ABCC2: variants seen among roughly 807,000 people sequenced by gnomAD.
ABCC2 encodes the protein ATP-binding cassette sub-family C member 2.
Under a neutral mutation model 173.4 loss-of-function variants are expected in ABCC2, and 157 were observed. The observed-to-expected ratio is 0.91, with a 90% CI of 0.80 to 1.03. The LOEUF is 1.03. Among genes scored for constraint, ABCC2 ranks in the 50% least tolerant of loss-of-function variants. ABCC2 has a pLI of 0.00. For missense variants in ABCC2, 1,822 were observed against 1,852.3 expected (o/e 0.98, Z 0.30); for synonymous variants, 657 against 693.5 (o/e 0.95, Z 0.83).
intron 23 of ABCC2, among the ~76,000 whole-genome samples, chr10:99,832,809 T>C (rs2038762218): frequency 6.6e-6 from 1 of 152,224 alleles, no homozygotes; most frequent in Non-Finnish European, 1.5e-5. Context: ...CATTCACTCA[T>C]TCATTCATTC....
chr10:99,800,535 C>T lies in ABCC2; in HGVS notation c.1181C>T (p.Thr394Ile), dbSNP rs918383893. 1 of 1,614,008 alleles carries T rather than the reference C, an allele frequency of 6.2e-7. No homozygotes were observed. The highest frequency in any genetic ancestry group is 8.5e-7 in the Non-Finnish European group (1 of 1,180,036). Residue 394 changes from threonine (T) to isoleucine (I), a missense_variant, in exon 9 of 32, where the codon ACA (threonine) becomes ATA (isoleucine). Thr to Ile is a moderately conservative substitution (Grantham distance 89). Coordinates refer to ENST00000647814, the MANE Select transcript of ABCC2 (RefSeq NM_000392.5). ...LCFKLGVKVR[T>I]AIMASVYKKA... ...TTCAAGCTGGGTGTAAAAGTACGGA[C>T]AGCTATCATGGCTTCTGTATATAAG...
chr10:99,800,347 G>A (rs772939806), intron 8 of ABCC2, 39 bp from the exon 9 acceptor site: 2 of 1,608,244 alleles, frequency 1.2e-6, no homozygotes, highest in Non-Finnish European at 1.7e-6. Flanking sequence ...CATCCTTGGA[G>A]GCCTTATGGG....
At chr10:99,815,969 GTTT>G (rs552969751) in intron 16 of ABCC2, among the ~76,000 whole-genome samples, 1 of 135,368 alleles carries the variant, frequency 7.4e-6, no homozygotes, top group Non-Finnish European at 1.6e-5. Flanking sequence ...TTCTGGTCTT[GTTT>G]TTTTTTTTTT....
rs374452437 is a variant in ABCC2 at position 99,836,166 on chromosome 10, A to G, written c.3490A>G (p.Ser1164Gly). Reference sequence around the variant, plus strand: ...CAGGTCCCCAATCTACTCTCACTTCAGCGAGACCGTATCAGGTTTGCCAGT... The same window carrying G: ...CAGGTCCCCAATCTACTCTCACTTCGGCGAGACCGTATCAGGTTTGCCAGT... ...VTRSPIYSHF[S>G]ETVSGLPVIR... Residue 1164 changes from serine to glycine, a missense_variant, in exon 25 of 32, where the codon AGC (serine) becomes GGC (glycine). Physicochemically the swap from Ser to Gly is moderately conservative, Grantham distance 56. Transcript: ENST00000647814. 2 of 1,614,190 alleles carry G rather than the reference A, an allele frequency of 1.2e-6. No homozygotes were observed. Among genetic ancestry groups the G allele is most frequent in the Non-Finnish European group, 1.7e-6 (2 of 1,180,036 alleles).
chr10:99,803,050 C>A (rs1463154489), intron 9 of ABCC2, among the ~76,000 whole-genome samples: 1 of 152,166 alleles, frequency 6.6e-6, no homozygotes, highest in Admixed American at 6.5e-5. Flanking sequence ...CTCACTGCAA[C>A]CTCCGCCTTC....
Position 99,797,341 on chromosome 10 carries a change from C to T in ABCC2, c.867+10C>T. Reference sequence around the variant, plus strand: ...AGATGCCCTTGTCCTGGTAACTTTCCCTTGAGTGTCTGTGTGAGCGCGCTG... The same window carrying T: ...AGATGCCCTTGTCCTGGTAACTTTCTCTTGAGTGTCTGTGTGAGCGCGCTG... On this transcript the variant is annotated intron_variant, in intron 7 of 31. Coordinates refer to ENST00000647814, the MANE Select transcript of ABCC2 (RefSeq NM_000392.5). 6.2e-7 allele frequency: 1 copy of T among 1,607,060 alleles called. No individual in the cohort carries two copies. Among genetic ancestry groups the T allele is most frequent in the Admixed American group, 1.7e-5 (1 of 58,942 alleles).
At chr10:99,795,797 A>AAAAT (rs2037901655) in intron 6 of ABCC2, among the ~76,000 whole-genome samples, 3 of 45,586 alleles carry the variant, frequency 6.6e-5, no homozygotes, top group Non-Finnish European at 9.0e-5. Context: ...GAAAGAAAGA[A>AAAAT]AGAAAGATTT....
chr10:99,816,608 T>G (rs1230414045), intron 16 of ABCC2, among the ~76,000 whole-genome samples: 2 of 152,162 alleles, frequency 1.3e-5, no homozygotes, highest in Non-Finnish European at 1.5e-5. Flanking sequence ...TAATCTTGCT[T>G]CTTAAGATGT....
At position 99,793,669 on chromosome 10, in the gene ABCC2, T is replaced by A; in HGVS notation, c.452T>A (p.Ile151Asn). Reference protein sequence around the residue: ...LCGTFQFQTLIRTLLQGDNSN... With the variant: ...LCGTFQFQTLNRTLLQGDNSN... ...GGCACTTTCCAATTTCAGACTCTGA[T>A]CCGGACACTCTTACAGGTAAGGAAA... The change falls in exon 4 of 32, where the codon ATC becomes AAC. Residue 151 changes from isoleucine (I) to asparagine (N), a missense_variant. Coordinates refer to ENST00000647814, the MANE Select transcript of ABCC2 (RefSeq NM_000392.5). 1.9e-6 allele frequency: 3 copies of A among 1,614,058 alleles called. No individual in the cohort carries two copies. The highest frequency in any genetic ancestry group is 2.5e-6 in the Non-Finnish European group (3 of 1,179,984).
At chr10:99,807,186 T>C (rs2038124030) in intron 11 of ABCC2, among the ~76,000 whole-genome samples, 198 bp from the exon 12 acceptor site, 1 of 152,198 alleles carries the variant, frequency 6.6e-6, no homozygotes, top group Non-Finnish European at 1.5e-5. Context: ...TGTTATAAAG[T>C]GAGATAATGT....
At position 99,804,291 on chromosome 10, in the gene ABCC2, C is replaced by T. The variant is rs562509274; in HGVS notation, c.1464+18C>T. ...CCATTCAGGTAAAGAAAAAGTCACCCAGAAGAATATAAGCTTTCTTTAAAG... is the reference window on the plus strand; with the variant it reads ...CCATTCAGGTAAAGAAAAAGTCACCTAGAAGAATATAAGCTTTCTTTAAAG... On this transcript the variant is annotated intron_variant, in intron 10 of 31. Transcript: ENST00000647814. 1.9e-5 allele frequency: 31 copies of T among 1,613,872 alleles called. 1 individual carries two copies. In the South Asian group the frequency reaches 2.9e-4, roughly 15 times the overall value.
chr10:99,794,097 A>G, intron 5 of ABCC2, 98 bp downstream of exon 5: 1 of 1,177,166 alleles, frequency 8.5e-7, no homozygotes, highest in Non-Finnish European at 1.2e-6. Context: ...AGGCGCCACA[A>G]GCCCAGAATA....
chr10:99,797,427 C>A, intron 7 of ABCC2, 96 bp downstream of exon 7: 1 of 1,059,814 alleles, frequency 9.4e-7, no homozygotes, highest in Non-Finnish European at 1.4e-6. Flanking sequence ...TTTTATAGCA[C>A]TTCATACTTC....
chr10:99,804,380 G>A, intron 10 of ABCC2, 107 bp downstream of exon 10: 4 of 1,441,444 alleles, frequency 2.8e-6, no homozygotes, highest in African/African-American at 1.4e-5. Context: ...CAAAGCTGGT[G>A]GAAGACTTTC....
Position 99,830,363 on chromosome 10 carries a change from G to C in ABCC2, c.2677G>C (p.Glu893Gln), listed in dbSNP as rs3740071. ...CTATGGGCTGATATCCAGTGTGGAA[G>C]AGATCCCCGAAGATGCAGCCTCCAT... ...DDYGLISSVE[E>Q]IPEDAASITM... The change falls in exon 20 of 32, where the codon GAG (glutamate) becomes CAG (glutamine). Residue 893 changes from glutamate (E) to glutamine (Q), a missense_variant. By Grantham distance (29) the Glu-to-Gln change is conservative (BLOSUM62 2). Coordinates refer to ENST00000647814, the MANE Select transcript of ABCC2 (RefSeq NM_000392.5). 1 of 1,614,212 alleles carries C rather than the reference G, an allele frequency of 6.2e-7. No individual in the cohort carries two copies. Among genetic ancestry groups the C allele is most frequent in the East Asian group, 2.2e-5 (1 of 44,880 alleles).
rs958313191 is a variant in ABCC2 at position 99,847,014 on chromosome 10, C to G, written c.4200C>G (p.Asn1400Lys). ...SLRMNLDPFN[N>K]YSDEEIWKAL... ...GGATGAATCTCGACCCTTTCAACAA[C>G]TACTCAGATGAGGAGATTTGGAAGG... is the stretch of plus-strand genomic sequence containing the variant. The change falls in exon 30 of 32, where the codon AAC (asparagine) becomes AAG (lysine). Residue 1400 changes from asparagine to lysine, a missense_variant. Coordinates refer to ENST00000647814, the MANE Select transcript of ABCC2 (RefSeq NM_000392.5). The G allele has an allele frequency of 6.2e-7, 1 of 1,614,228 alleles. No individual in the cohort carries two copies. Among genetic ancestry groups the G allele is most frequent in the Non-Finnish European group, 8.5e-7 (1 of 1,180,044 alleles).
Position 99,852,208 on chromosome 10 carries a change from T to C in ABCC2, c.*577T>C, listed in dbSNP as rs1227555425. ...ACTACTATGGACATTCTGGTCTACA[T>C]CTCCTGGCACATATGTAAGAGTTTC... On this transcript the variant is annotated 3_prime_UTR_variant, in exon 32 of 32. Transcript: ENST00000647814. The C allele has an allele frequency of 6.5e-6, 1 of 153,470 alleles. No homozygotes were observed. The highest frequency in any genetic ancestry group is 1.4e-5 in the Non-Finnish European group (1 of 68,998). The allele number at this position is 153,470 out of a possible 1,614,324, so 9.5% of individuals were successfully genotyped here.
chr10:99,804,305 C>T (rs2038063710), intron 10 of ABCC2, 32 bp downstream of exon 10: 2 of 1,613,274 alleles, frequency 1.2e-6, no homozygotes, highest in African/African-American at 2.7e-5. Flanking sequence ...AGAATATAAG[C>T]TTTCTTTAAA....
chr10:99,841,918 A>C (rs895153292), intron 25 of ABCC2, 49 bp from the exon 26 acceptor site: 5 of 1,613,640 alleles, frequency 3.1e-6, no homozygotes, highest in Admixed American at 1.7e-5. Context: ...GCTGGTTAAG[A>C]TGAGGACGTG....
Sources: allele counts gnomAD v4.1 joint callset (sites outside exome capture counted in the v4.1 genomes callset), GRCh38; gene constraint gnomAD v4.1.1; transcripts MANE v1.5; gene names NCBI Gene and HGNC (gene_info 2026-07-23, HGNC 2026-07-21).